FAM169A: variants seen among roughly 807,000 people sequenced by gnomAD.
FAM169A encodes family with sequence similarity 169 member A.
A neutral mutation model predicts 75.7 loss-of-function variants in FAM169A; 24 were observed. The observed-to-expected ratio is 0.32, with a 90% CI of 0.23 to 0.45. The LOEUF (loss-of-function observed/expected upper bound fraction) is 0.45. FAM169A is among the 20% of genes least tolerant of loss of function. FAM169A has a pLI of 1.00. For synonymous variants in FAM169A, 271 were observed against 271.0 expected (o/e 1.00, Z 0.00); for missense variants, 673 against 784.0 (o/e 0.86, Z 1.69).
intron 1 of FAM169A, among the ~76,000 whole-genome samples, chr5:74,852,089 T>C (rs947234421): frequency 2.6e-5 from 4 of 152,124 alleles, no homozygotes; most frequent in Admixed American, 1.3e-4. Context: ...AAACCAAAAC[T>C]TGGCACTTAA....
Position 74,781,708 on chromosome 5 carries a change from T to C in FAM169A, c.1765A>G (p.Ser589Gly). ...PQETSTALPQ[S>G]SLIEVELEDV... ...TCAAGTTCAACCTCTATCAAAGAACTCTGAGGAAGAGCAGTAGATGTTTCC... is the reference window on the plus strand; with the variant it reads ...TCAAGTTCAACCTCTATCAAAGAACCCTGAGGAAGAGCAGTAGATGTTTCC... Residue 589 changes from serine (S) to glycine (G), a missense_variant, in exon 13 of 13, where the codon AGT (serine) becomes GGT (glycine). Ser to Gly is a moderately conservative substitution (Grantham distance 56, BLOSUM62 0). Around this residue, in one of 3 missense-constraint regions of FAM169A, gnomAD observed 510 missense variants for 550.9 expected, o/e 0.93. Transcript: ENST00000687041. 4 of 1,614,176 alleles carry C rather than the reference T, an allele frequency of 2.5e-6. No homozygotes were observed. The highest frequency in any genetic ancestry group is 2.5e-6 in the Non-Finnish European group (3 of 1,180,014).
chr5:74,784,729 T>C (rs1745601059), intron 11 of FAM169A, among the ~76,000 whole-genome samples: 1 of 145,720 alleles, frequency 6.9e-6, no homozygotes, highest in African/African-American at 2.5e-5. Flanking sequence ...CCATCCTGGC[T>C]AACATGGTGA....
At chr5:74,789,499 G>A (rs1276746220) in intron 11 of FAM169A, among the ~76,000 whole-genome samples, 4 of 152,166 alleles carry the variant, frequency 2.6e-5, no homozygotes, top group African/African-American at 7.2e-5. Flanking sequence ...CCCATTTATC[G>A]AGTGACCCAA....
Position 74,840,066 on chromosome 5 carries a change from A to G in FAM169A, c.232+8T>C, listed in dbSNP as rs561835252. The G allele has an allele frequency of 3.6e-5, 53 of 1,464,794 alleles. 1 individual carries two copies. The South Asian group carries it at 5.6e-4, about 16-fold the overall frequency. 90.7% of individuals were successfully genotyped at this position (1,464,794 alleles called of 1,614,324 possible). ...TCCTTAATTTATAAAAATTAAGCAAAAAGAGACCTGTCAGTGAATCTTCAG... is the reference window on the plus strand; with the variant it reads ...TCCTTAATTTATAAAAATTAAGCAAGAAGAGACCTGTCAGTGAATCTTCAG... On this transcript the variant is annotated splice_region_variant and intron_variant, in intron 3 of 12. Transcript: ENST00000687041.
intron 1 of FAM169A, among the ~76,000 whole-genome samples, chr5:74,853,059 T>C (rs1043133529): frequency 6.6e-6 from 1 of 152,226 alleles, no homozygotes; most frequent in Non-Finnish European, 1.5e-5. Context: ...AGAAAGAATC[T>C]ACTTTTTCAG....
At chr5:74,800,029 C>A in intron 10 of FAM169A, 1 of 759,618 alleles carries the variant, frequency 1.3e-6, no homozygotes, top group Non-Finnish European at 2.4e-6. Context: ...TATTGCACTA[C>A]TGGCATCGAT....
chr5:74,808,767 A>T (rs1253893484), intron 6 of FAM169A, among the ~76,000 whole-genome samples: 3 of 152,180 alleles, frequency 2.0e-5, no homozygotes, highest in Non-Finnish European at 4.4e-5. Context: ...CTGGGGAGGA[A>T]AGGAGAAAGC....
At chr5:74,851,435 G>A (rs1381116749) in intron 1 of FAM169A, among the ~76,000 whole-genome samples, 1 of 152,212 alleles carries the variant, frequency 6.6e-6, no homozygotes, top group Non-Finnish European at 1.5e-5. Flanking sequence ...GTGCTCAACA[G>A]TTGGAACACA....
At chr5:74,823,900 T>C (rs1747885483) in intron 5 of FAM169A, among the ~76,000 whole-genome samples, 1 of 152,174 alleles carries the variant, frequency 6.6e-6, no homozygotes. Flanking sequence ...TAATTTTACA[T>C]CACAATGTTT....
intron 8 of FAM169A, 47 bp from the exon 9 acceptor site, chr5:74,801,676 TC>T: frequency 4.4e-6 from 6 of 1,369,640 alleles, no homozygotes; most frequent in Non-Finnish European, 6.2e-6. Context: ...CTATTTTTTC[TC>T]CCTATGGATC....
intron 1 of FAM169A, among the ~76,000 whole-genome samples, chr5:74,844,117 T>C (rs921446503): frequency 2.0e-5 from 3 of 152,206 alleles, no homozygotes; most frequent in African/African-American, 7.2e-5. Context: ...TTAAGAGACA[T>C]GTCAATGCAC....
chr5:74,794,426 T>G (rs951856444), intron 11 of FAM169A, among the ~76,000 whole-genome samples: 3 of 144,054 alleles, frequency 2.1e-5, no homozygotes, highest in African/African-American at 7.7e-5. Flanking sequence ...AAAATAAACA[T>G]AAAAATATCA....
intron 5 of FAM169A, among the ~76,000 whole-genome samples, chr5:74,831,964 G>A (rs928547938): frequency 1.3e-5 from 2 of 151,994 alleles, no homozygotes; most frequent in African/African-American, 4.8e-5. Flanking sequence ...AATCAATTAC[G>A]TTAAGTAAAC....
chr5:74,812,347 G>A (rs932717522), intron 6 of FAM169A, among the ~76,000 whole-genome samples: 6 of 152,062 alleles, frequency 3.9e-5, no homozygotes, highest in Middle Eastern at 3.4e-3. Context: ...GGCTGGTCTC[G>A]AATTCCTGAG....
chr5:74,860,398 T>C (rs1749970356), intron 1 of FAM169A, among the ~76,000 whole-genome samples: 1 of 152,240 alleles, frequency 6.6e-6, no homozygotes, highest in Non-Finnish European at 1.5e-5. Context: ...TATGAATTAC[T>C]AAATTGGCTT....
chr5:74,863,672 T>TA (rs1750156378), intron 1 of FAM169A, among the ~76,000 whole-genome samples: 16 of 152,178 alleles, frequency 1.1e-4, no homozygotes, highest in Admixed American at 9.8e-4. Flanking sequence ...GAGAAAAATA[T>TA]TCGATTTTTC....
At chr5:74,857,929 CA>C (rs1749810254) in intron 1 of FAM169A, among the ~76,000 whole-genome samples, 1 of 152,020 alleles carries the variant, frequency 6.6e-6, no homozygotes, top group African/African-American at 2.4e-5. Flanking sequence ...TACTCGGATA[CA>C]AAAAAATTAG....
intron 1 of FAM169A, among the ~76,000 whole-genome samples, chr5:74,857,288 C>T (rs1331703817): frequency 6.6e-6 from 1 of 151,874 alleles, no homozygotes; most frequent in African/African-American, 2.4e-5. Flanking sequence ...TGGTGGCTCA[C>T]ACCTGTAATC....
intron 4 of FAM169A, among the ~76,000 whole-genome samples, chr5:74,836,339 G>T (rs1748573296): frequency 6.6e-6 from 1 of 151,848 alleles, no homozygotes; most frequent in Non-Finnish European, 1.5e-5. Flanking sequence ...TTTTAATTCT[G>T]CCCTTCACAG....
Sources: allele counts gnomAD v4.1 joint callset (sites outside exome capture counted in the v4.1 genomes callset), GRCh38; gene constraint gnomAD v4.1.1; regional missense constraint gnomAD v4.1.1; transcripts MANE v1.5; gene names NCBI Gene and HGNC (gene_info 2026-07-23, HGNC 2026-07-21).